Variants in TTC27 observed in about 807,000 individuals in gnomAD.
TTC27 encodes the protein tetratricopeptide repeat protein 27.
A neutral mutation model predicts 115.9 loss-of-function variants in TTC27; 79 were observed. The observed-to-expected ratio is 0.68, with a 90% CI of 0.57 to 0.82. The LOEUF (loss-of-function observed/expected upper bound fraction) is 0.82. TTC27 is among the 40% of genes least tolerant of loss of function. The pLI, the probability that TTC27 is intolerant of heterozygous loss-of-function variation, is 0.00. For synonymous variants in TTC27, 401 were observed against 356.0 expected, an observed-to-expected ratio of 1.13 and a Z score of -1.42; for missense variants, 1,054 against 993.1, an observed-to-expected ratio of 1.06 and a Z score of -0.82.
intron 9 of TTC27, among the ~76,000 whole-genome samples, chr2:32,696,891 T>C (rs933961021): frequency 7.9e-5 from 12 of 152,338 alleles, no homozygotes; most frequent in African/African-American, 2.9e-4. Context: ...GTATTTTGTT[T>C]TCCACTCAGA....
At chr2:32,737,971 A>C (rs148276347) in intron 12 of TTC27, among the ~76,000 whole-genome samples, 69 of 152,300 alleles carry the variant, frequency 4.5e-4, no homozygotes, top group African/African-American at 1.3e-3. Flanking sequence ...AGTTGTGATC[A>C]TGCCACCGCA....
chr2:32,748,037 T>C lies in TTC27; in HGVS notation c.1453-10255T>C, dbSNP rs963475403. ...TTGCTGTTCTTTTTCTAGTTACTTT[T>C]GGTGGAAGGTTAGATTATTGATTTG... On this transcript the variant is annotated intron_variant, in intron 12 of 19. Transcript: ENST00000317907. 3.9e-5 allele frequency among the ~76,000 whole-genome samples: 6 copies of C among 152,128 alleles called. No homozygotes were observed. The East Asian group carries it at 1.2e-3, about 29-fold the overall frequency.
At chr2:32,775,051 AT>A (rs1669947526) in intron 13 of TTC27, among the ~76,000 whole-genome samples, 1 of 152,260 alleles carries the variant, frequency 6.6e-6, no homozygotes, top group Non-Finnish European at 1.5e-5. Flanking sequence ...AGTTTTAAAA[AT>A]TAAAAATAAA....
chr2:32,777,972 G>C lies in TTC27; in HGVS notation c.1771G>C (p.Glu591Gln). 6.2e-7 allele frequency: 1 copy of C among 1,613,986 alleles called. No homozygotes were observed. Among genetic ancestry groups the C allele is most frequent in the East Asian group, 2.2e-5 (1 of 44,854 alleles). The change falls in exon 14 of 20, where the codon GAA becomes CAA. Residue 591 changes from glutamate (E) to glutamine (Q), a missense_variant. Coordinates refer to ENST00000317907, the MANE Select transcript of TTC27 (RefSeq NM_017735.5). Reference protein sequence around the residue: ...AKAFQRCVTLEPDNAEAWNNL... With the variant: ...AKAFQRCVTLQPDNAEAWNNL... ...GGCATTTCAGCGCTGTGTGACTCTAGAACCCGATGTAAGTTTGTTTGATCT... is the reference window on the plus strand; with the variant it reads ...GGCATTTCAGCGCTGTGTGACTCTACAACCCGATGTAAGTTTGTTTGATCT...
In TTC27 at chr2:32,678,836, C is replaced by A; in HGVS notation, c.1053-20C>A. The A allele has an allele frequency of 1.9e-6, 3 of 1,576,446 alleles. No homozygotes were observed. The highest frequency in any genetic ancestry group is 2.3e-5 in the South Asian group (2 of 87,472). ...AACATGCATCTTATAATTAATTTAC[C>A]TTTTTTTCTTAATTTAAAGCACTAA... On this transcript the variant is annotated intron_variant, in intron 8 of 19. Transcript: ENST00000317907.
At chr2:32,743,862 G>T (rs1439438207) in intron 12 of TTC27, among the ~76,000 whole-genome samples, 4 of 152,178 alleles carry the variant, frequency 2.6e-5, no homozygotes, top group Non-Finnish European at 5.9e-5. Flanking sequence ...GCTAGAGTGT[G>T]TCACCTAAAG....
chr2:32,674,061 T>C lies in TTC27; in HGVS notation c.1052+1677T>C, dbSNP rs1156450501. Among the ~76,000 whole-genome samples, 3 of 152,132 alleles carry C rather than the reference T, an allele frequency of 2.0e-5. No homozygotes were observed. The South Asian group carries it at 6.2e-4, about 32-fold the overall frequency. ...TTGTCATCAAGAGATTTATTAATAT[T>C]CAAAATAGAATCCCTCACAAAGCTA... On this transcript the variant is annotated intron_variant, in intron 8 of 19. Transcript: ENST00000317907.
intron 10 of TTC27, among the ~76,000 whole-genome samples, chr2:32,712,904 G>C (rs1271910811): frequency 6.6e-6 from 1 of 152,130 alleles, no homozygotes; most frequent in Non-Finnish European, 1.5e-5. Flanking sequence ...TTTATATGCT[G>C]TGGTTTATGT....
intron 16 of TTC27, among the ~76,000 whole-genome samples, chr2:32,809,597 C>T (rs1386295731): frequency 1.3e-5 from 2 of 152,232 alleles, no homozygotes; most frequent in African/African-American, 2.4e-5. Context: ...CACTGACTAG[C>T]ATGGTGTTAC....
At chr2:32,668,233 G>A (rs1191999135) in intron 7 of TTC27, among the ~76,000 whole-genome samples, 1 of 151,714 alleles carries the variant, frequency 6.6e-6, no homozygotes, top group African/African-American at 2.4e-5. Flanking sequence ...AGCCAGTTGT[G>A]GTGGTGTGTG....
intron 12 of TTC27, among the ~76,000 whole-genome samples, chr2:32,750,595 T>C (rs1572575205): frequency 1.3e-5 from 2 of 152,332 alleles, no homozygotes; most frequent in East Asian, 3.9e-4. Context: ...ATTTGGAAAG[T>C]AGCAACGTAC....
chr2:32,799,464 C>A (rs562755962), intron 16 of TTC27, among the ~76,000 whole-genome samples: 1 of 152,020 alleles, frequency 6.6e-6, no homozygotes, highest in South Asian at 2.1e-4. Context: ...AAAAAGTTTA[C>A]CAGATTAGTT....
At chr2:32,793,387 T>G (rs1670599734) in intron 16 of TTC27, among the ~76,000 whole-genome samples, 1 of 152,160 alleles carries the variant, frequency 6.6e-6, no homozygotes, top group Admixed American at 6.5e-5. Flanking sequence ...CTGCCCTGCA[T>G]GAAATGCTCA....
intron 12 of TTC27, among the ~76,000 whole-genome samples, chr2:32,743,616 G>A (rs951398591): frequency 2.6e-5 from 4 of 152,018 alleles, no homozygotes; most frequent in Non-Finnish European, 5.9e-5. Flanking sequence ...CTGTTCTATC[G>A]CAAAATACAC....
rs1256426385 is a variant in TTC27, at chr2:32,634,022, T to A, written c.396+17T>A. 2 of 1,604,934 alleles carry A rather than the reference T, an allele frequency of 1.2e-6. No individual in the cohort carries two copies. Among genetic ancestry groups the A allele is most frequent in the Admixed American group, 3.4e-5 (2 of 58,458 alleles). ...TTCAGTGAGGTATGCTTCTTGAAAA[T>A]GTTGTATGTAATTATTATTATGTTA... On this transcript the variant is annotated intron_variant, in intron 3 of 19. Transcript: ENST00000317907.
At position 32,813,494 on chromosome 2, in the gene TTC27, C is replaced by A. The variant is rs1671384743; in HGVS notation, c.2308+879C>A. ...TAACTTCTCTGAGCCTTACTTTCCT[C>A]ATCAGTAAAATGGGATAATACCTAC... On this transcript the variant is annotated intron_variant, in intron 18 of 19. Transcript: ENST00000317907. Among the ~76,000 whole-genome samples the A allele has an allele frequency of 2.0e-5, 3 of 152,180 alleles. No homozygotes were observed. In the South Asian group the frequency reaches 6.2e-4, roughly 32 times the overall value.
chr2:32,686,573 G>T (rs139534187), intron 9 of TTC27, among the ~76,000 whole-genome samples: 1 of 151,794 alleles, frequency 6.6e-6, no homozygotes, highest in Non-Finnish European at 1.5e-5. Context: ...ATTGCTCAGG[G>T]TGGTCTCGAA....
chr2:32,697,191 C>CAA (rs369409902), intron 9 of TTC27, among the ~76,000 whole-genome samples: 54,029 of 140,392 alleles, frequency 0.38, 10,323 homozygotes, highest in East Asian at 0.46. Flanking sequence ...GACCCTGTCT[C>CAA]AAAAAAAAAA....
At chr2:32,766,841 A>G (rs749100436) in intron 13 of TTC27, among the ~76,000 whole-genome samples, 1 of 152,088 alleles carries the variant, frequency 6.6e-6, no homozygotes, top group Non-Finnish European at 1.5e-5. Flanking sequence ...GCTGGAGTGC[A>G]GTGGTGCGAT....
Sources: gnomAD v4.1 joint callset for allele counts (sites outside exome capture counted in the v4.1 genomes callset) on GRCh38, gnomAD v4.1.1 for gene constraint, MANE v1.5 for transcripts, NCBI Gene and HGNC (gene_info 2026-07-23, HGNC 2026-07-21) for gene names.